Variants in ADAM22 observed in about 807,000 individuals in gnomAD.
ADAM22 encodes the protein ADAM metallopeptidase domain 22.
In ADAM22, 65 loss-of-function variants were observed where a neutral mutation model predicts 144.6. The ratio of observed to expected loss-of-function variants is 0.45; its 90% CI spans 0.37 to 0.55. The LOEUF (loss-of-function observed/expected upper bound fraction) is 0.55. Ranked by LOEUF, ADAM22 falls within the 20% of genes least tolerant of loss-of-function variation. The pLI is 0.00. For synonymous variants in ADAM22, 391 were observed against 412.6 expected, an observed-to-expected ratio of 0.95 and a Z score of 0.63; for missense variants, 974 against 1,184.9, an observed-to-expected ratio of 0.82 and a Z score of 2.61.
intron 2 of ADAM22, among the ~76,000 whole-genome samples, chr7:87,972,837 T>C (rs1850809363): frequency 1.3e-5 from 2 of 152,164 alleles, no homozygotes; most frequent in Admixed American, 6.5e-5. Flanking sequence ...AAACCAGCAA[T>C]GGGGAAAGGA....
chr7:87,997,132 G>A (rs1791427042), intron 3 of ADAM22, among the ~76,000 whole-genome samples: 1 of 152,152 alleles, frequency 6.6e-6, no homozygotes, highest in Non-Finnish European at 1.5e-5. Context: ...TTCGTTAAAA[G>A]CATATCTAAT....
intron 3 of ADAM22, among the ~76,000 whole-genome samples, chr7:88,007,672 G>T (rs1385058103): frequency 6.6e-6 from 1 of 152,144 alleles, no homozygotes; most frequent in Admixed American, 6.5e-5. Flanking sequence ...TTAATAAATG[G>T]TGCTGGGAAA....
intron 2 of ADAM22, among the ~76,000 whole-genome samples, chr7:87,940,442 T>G (rs1269567068): frequency 6.6e-6 from 1 of 152,214 alleles, no homozygotes; most frequent in African/African-American, 2.4e-5. Flanking sequence ...CTTGTTTCAA[T>G]TTTCATCCCC....
intron 4 of ADAM22, among the ~76,000 whole-genome samples, chr7:88,081,769 C>A (rs1314905356): frequency 7.1e-6 from 1 of 140,236 alleles, no homozygotes; most frequent in Non-Finnish European, 1.5e-5. Context: ...ACCTAGGAAT[C>A]CAACTTACAA....
intron 3 of ADAM22, among the ~76,000 whole-genome samples, chr7:87,998,360 C>T (rs957453134): frequency 3.3e-5 from 5 of 152,172 alleles, no homozygotes; most frequent in Middle Eastern, 3.4e-3. Flanking sequence ...TACATTAGAC[C>T]CCTTCAGACA....
At chr7:88,068,986 G>A (rs1176850975) in intron 3 of ADAM22, among the ~76,000 whole-genome samples, 3 of 152,036 alleles carry the variant, frequency 2.0e-5, no homozygotes, top group Non-Finnish European at 4.4e-5. Flanking sequence ...TGAAGAGGTG[G>A]GACCTTTTAA....
chr7:88,003,111 G>C (rs1031534092), intron 3 of ADAM22, among the ~76,000 whole-genome samples: 1 of 152,186 alleles, frequency 6.6e-6, no homozygotes, highest in Non-Finnish European at 1.5e-5. Flanking sequence ...TTTTATCTGG[G>C]AAAGGCAGAC....
At chr7:88,098,966 G>A (rs890805147) in intron 4 of ADAM22, among the ~76,000 whole-genome samples, 1 of 152,124 alleles carries the variant, frequency 6.6e-6, no homozygotes, top group African/African-American at 2.4e-5. Flanking sequence ...GTTAGATGCT[G>A]TTTGAACATT....
rs576928628 is a variant in ADAM22 at position 88,064,438 on chromosome 7, T to C, written c.324-11188T>C. Among the ~76,000 whole-genome samples the C allele has an allele frequency of 3.3e-5, 5 of 152,304 alleles. No homozygotes were observed. The East Asian group carries it at 9.6e-4, about 29-fold the overall frequency. On this transcript the variant is annotated intron_variant, in intron 3 of 31. Transcript: ENST00000413139. ...TTCCTCATCTATATGGAGATACTAA[T>C]CATACCTACCACTTTAGTCTACTCC...
intron 4 of ADAM22, among the ~76,000 whole-genome samples, chr7:88,080,696 A>G (rs944467312): frequency 6.6e-6 from 1 of 152,224 alleles, no homozygotes; most frequent in African/African-American, 2.4e-5. Flanking sequence ...AATACAAACT[A>G]CCATCAGAGA....
At chr7:88,193,584 A>G (rs1850071109) in intron 31 of ADAM22, among the ~76,000 whole-genome samples, 1 of 152,196 alleles carries the variant, frequency 6.6e-6, no homozygotes, top group African/African-American at 2.4e-5. Context: ...TTCCTGAAAC[A>G]TATCAGTATG....
intron 2 of ADAM22, chr7:87,964,667 A>G: frequency 2.3e-6 from 1 of 430,748 alleles, no homozygotes; most frequent in South Asian, 1.7e-5. Flanking sequence ...ATCCCAGAAG[A>G]CCATATACCA....
chr7:87,971,801 C>T (rs1401631331), intron 2 of ADAM22, among the ~76,000 whole-genome samples: 1 of 152,216 alleles, frequency 6.6e-6, no homozygotes. Flanking sequence ...TGAGAGCCAT[C>T]CTGGCTCACT....
chr7:88,113,715 T>A lies in ADAM22; in HGVS notation c.474-869T>A, dbSNP rs1025652716. Among the ~76,000 whole-genome samples, 28 of 104,352 alleles carry A rather than the reference T, an allele frequency of 2.7e-4. 1 individual carries two copies. Among genetic ancestry groups the A allele is most frequent in the East Asian group, 2.6e-3 (7 of 2,676 alleles). The allele number at this position is 104,352 out of a possible 152,430, so 68.5% of individuals were successfully genotyped here. A position where few individuals can be genotyped will look rare whatever the true frequency, so the allele number is the denominator to read the frequency against. Reference sequence around the variant, plus strand: ...AAATAAATAAATAAATATATATATATATATATATATATATATATATATATA... The same window carrying A: ...AAATAAATAAATAAATATATATATAAATATATATATATATATATATATATA... On this transcript the variant is annotated intron_variant, in intron 5 of 31. Transcript: ENST00000413139.
intron 7 of ADAM22, among the ~76,000 whole-genome samples, chr7:88,117,530 T>C (rs966959003): frequency 1.3e-5 from 2 of 152,150 alleles, no homozygotes; most frequent in Non-Finnish European, 2.9e-5. Flanking sequence ...CCCTCCTTAG[T>C]GGAGCAGTGA....
Position 88,132,901 on chromosome 7 carries a change from G to A in ADAM22, c.1027G>A (p.Ala343Thr). The A allele has an allele frequency of 6.2e-7, 1 of 1,613,980 alleles. No individual in the cohort carries two copies. Among genetic ancestry groups the A allele is most frequent in the Non-Finnish European group, 8.5e-7 (1 of 1,179,938 alleles). Reference protein sequence around the residue: ...SQFESSRSGAAYIGGICSLLK... With the variant: ...SQFESSRSGATYIGGICSLLK... ...ATTTGAGAGTAGCCGGAGCGGGGCAGCTTATATTGGTGGGATTTGCTCGTT... is the reference window on the plus strand; with the variant it reads ...ATTTGAGAGTAGCCGGAGCGGGGCAACTTATATTGGTGGGATTTGCTCGTT... Residue 343 changes from alanine (A) to threonine (T), a missense_variant, in exon 12 of 32, where the codon GCT (alanine) becomes ACT (threonine). Physicochemically the swap from Ala to Thr is moderately conservative, Grantham distance 58. Around this residue, in one of 2 missense-constraint regions of ADAM22, gnomAD observed 734 missense variants for 950.6 expected, o/e 0.77. Coordinates refer to ENST00000413139, the MANE Select transcript of ADAM22 (RefSeq NM_001324418.2).
intron 9 of ADAM22, among the ~76,000 whole-genome samples, chr7:88,129,963 T>C (rs1290308760): frequency 6.6e-6 from 1 of 152,170 alleles, no homozygotes; most frequent in Non-Finnish European, 1.5e-5. Context: ...GAATAAGTCT[T>C]GCAGAACTTT....
chr7:87,995,650 TA>T (rs1209802172), intron 3 of ADAM22, among the ~76,000 whole-genome samples: 1 of 152,150 alleles, frequency 6.6e-6, no homozygotes, highest in Non-Finnish European at 1.5e-5. Flanking sequence ...GGATGTGACC[TA>T]AAAAACTGTG....
At chr7:87,985,003 CT>C (rs112339670) in intron 3 of ADAM22, among the ~76,000 whole-genome samples, 3,106 of 141,958 alleles carry the variant, frequency 0.022, 31 homozygotes, top group Non-Finnish European at 0.03. Context: ...CAATGAAAGT[CT>C]TTTTTTTTTT....
Sources: gnomAD v4.1 joint callset for allele counts (sites outside exome capture counted in the v4.1 genomes callset) on GRCh38, gnomAD v4.1.1 for gene constraint, gnomAD v4.1.1 regional missense constraint, MANE v1.5 for transcripts, NCBI Gene and HGNC (gene_info 2026-07-23, HGNC 2026-07-21) for gene names.